Variants in SCAMP5 observed in about 807,000 individuals in gnomAD.
SCAMP5 encodes the protein secretory carrier-associated membrane protein 5.
SCAMP5 carries 7 observed loss-of-function variants against 28.3 expected under a neutral mutation model. The observed-to-expected ratio is 0.25, with a 90% CI of 0.14 to 0.46. The LOEUF (loss-of-function observed/expected upper bound fraction) is 0.46, where lower values mean the gene tolerates loss of function less well. Ranked by LOEUF, SCAMP5 falls within the 20% of genes least tolerant of loss-of-function variation. SCAMP5 has a pLI of 0.99. For missense variants in SCAMP5, 192 were observed against 312.5 expected (o/e 0.61, Z 2.91); for synonymous variants, 117 against 116.4 (o/e 1.00, Z -0.03).
intron 1 of SCAMP5, among the ~76,000 whole-genome samples, chr15:75,010,722 C>A (rs1428260531): frequency 6.6e-6 from 1 of 152,080 alleles, no homozygotes; most frequent in Admixed American, 6.6e-5. Context: ...AGGAGGATGG[C>A]TTGAGCCCAG....
chr15:75,007,411 A>G (rs1414148499), intron 1 of SCAMP5, among the ~76,000 whole-genome samples: 2 of 152,106 alleles, frequency 1.3e-5, no homozygotes, highest in African/African-American at 2.4e-5. Context: ...TTTTTGAGAC[A>G]GGGTCTTGCT....
chr15:74,997,573 G>A (rs1334247247), intron 1 of SCAMP5, among the ~76,000 whole-genome samples: 3 of 152,208 alleles, frequency 2.0e-5, no homozygotes, highest in African/African-American at 7.2e-5. Context: ...TTCCCAGAAG[G>A]GGTGGGATGT....
rs898393550 is a variant in SCAMP5 at position 74,996,674 on chromosome 15, A to G, written c.-49+1001A>G. ...TGGGAGCTCAGCCATGTGACTGCCCATGGGGTGGTGGAGTCTGGAGAAATT... is the reference window on the plus strand; with the variant it reads ...TGGGAGCTCAGCCATGTGACTGCCCGTGGGGTGGTGGAGTCTGGAGAAATT... On this transcript the variant is annotated intron_variant, in intron 1 of 6. Coordinates refer to ENST00000425597, the MANE Select transcript of SCAMP5 (RefSeq NM_138967.4). The surrounding 1 kb of genome is among the most constrained non-coding windows in gnomAD (Gnocchi z 4.1). Among the ~76,000 whole-genome samples the G allele has an allele frequency of 6.6e-6, 1 of 152,206 alleles. No homozygotes were observed.
Position 75,021,468 on chromosome 15 carries a change from A to G in SCAMP5, c.*2485A>G, listed in dbSNP as rs1385277599. 4 of 152,212 alleles carry G rather than the reference A, an allele frequency of 2.6e-5. No homozygotes were observed. Among genetic ancestry groups the G allele is most frequent in the African/African-American group, 7.2e-5 (3 of 41,426 alleles). 9.4% of individuals were successfully genotyped at this position (152,212 alleles called of 1,614,324 possible). ...TCTGTCTTTGGTAACTGAGTGAACC[A>G]TAATAAAGGGGAACATTTGGCCCTG... On this transcript the variant is annotated 3_prime_UTR_variant, in exon 7 of 7. Coordinates refer to ENST00000425597, the MANE Select transcript of SCAMP5 (RefSeq NM_138967.4).
At chr15:75,013,378 C>T (rs1053511618) in intron 3 of SCAMP5, among the ~76,000 whole-genome samples, 1 of 152,150 alleles carries the variant, frequency 6.6e-6, no homozygotes, top group Non-Finnish European at 1.5e-5. Context: ...TGGTTCCATG[C>T]AGCTCTGTGT....
At position 75,018,683 on chromosome 15, in the gene SCAMP5, A is replaced by G; in HGVS notation, c.514-106A>G. ...GCAGGACTCTCCTACAGAGGCATTC[A>G]TGGGGAGGGAGCACTGTTTTTTTTT... On this transcript the variant is annotated intron_variant, in intron 6 of 6. Coordinates refer to ENST00000425597, the MANE Select transcript of SCAMP5 (RefSeq NM_138967.4). The surrounding 1 kb of genome is among the most constrained non-coding windows in gnomAD (Gnocchi z 5.6). 1 of 1,038,222 alleles carries G rather than the reference A, an allele frequency of 9.6e-7. No individual in the cohort carries two copies. Among genetic ancestry groups the G allele is most frequent in the Non-Finnish European group, 1.5e-6 (1 of 671,170 alleles). The allele number at this position is 1,038,222 out of a possible 1,614,324, so 64.3% of individuals were successfully genotyped here. A position where few individuals can be genotyped will look rare whatever the true frequency, so the allele number is the denominator to read the frequency against.
chr15:75,015,840 C>T (rs1248055646), intron 3 of SCAMP5, among the ~76,000 whole-genome samples: 5 of 149,038 alleles, frequency 3.4e-5, no homozygotes, highest in Admixed American at 2.0e-4. Context: ...GCAGGAGAAT[C>T]GCTTGAACCT....
chr15:75,018,459 G>C lies in SCAMP5; in HGVS notation c.437G>C (p.Gly146Ala). The change falls in exon 6 of 7, where the codon GGC becomes GCC. Residue 146 changes from glycine (G) to alanine (A), a missense_variant. Physicochemically the swap from Gly to Ala is moderately conservative, Grantham distance 60 (BLOSUM62 0). Transcript: ENST00000425597. This position sits in a 1 kb window ranked among gnomAD's most constrained non-coding sequence, Gnocchi z 5.6. ...ATISFFGTNI[G>A]SAVVMLIPTV... ...ATCTCCTTCTTCGGAACGAACATTGGCTCGGCGGTGGTGATGCTAATTCCC... is the reference window on the plus strand; with the variant it reads ...ATCTCCTTCTTCGGAACGAACATTGCCTCGGCGGTGGTGATGCTAATTCCC... 1.2e-6 allele frequency: 2 copies of C among 1,613,832 alleles called. No individual in the cohort carries two copies. The highest frequency in any genetic ancestry group is 1.7e-6 in the Non-Finnish European group (2 of 1,179,764).
At chr15:75,017,550 C>T in intron 4 of SCAMP5, 1 of 540,296 alleles carries the variant, frequency 1.9e-6, no homozygotes, top group East Asian at 3.0e-5. Flanking sequence ...TGTCATTGTC[C>T]ATCCCCTTGA....
In SCAMP5 at chr15:75,019,207, C is replaced by T. The variant is rs1204003229; in HGVS notation, c.*224C>T. 2 of 352,636 alleles carry T rather than the reference C, an allele frequency of 5.7e-6. No individual in the cohort carries two copies. Among genetic ancestry groups the T allele is most frequent in the Non-Finnish European group, 9.9e-6 (2 of 201,102 alleles). 21.8% of individuals were successfully genotyped at this position (352,636 alleles called of 1,614,324 possible). Reference sequence around the variant, plus strand: ...ACTCAGCTGTGGGCTGCACGTGGAGCTGTCCCGTGCGGTAGTAGCTGTGTC... The same window carrying T: ...ACTCAGCTGTGGGCTGCACGTGGAGTTGTCCCGTGCGGTAGTAGCTGTGTC... On this transcript the variant is annotated 3_prime_UTR_variant, in exon 7 of 7. Transcript: ENST00000425597.
chr15:75,017,814 G>C (rs770215282), intron 4 of SCAMP5, 56 bp from the exon 5 acceptor site: 1 of 1,141,946 alleles, frequency 8.8e-7, no homozygotes, highest in East Asian at 2.3e-5. Flanking sequence ...GGGCCTTGAA[G>C]GCAGGGAAGC....
Position 75,018,749 on chromosome 15 carries a change from T to G in SCAMP5, c.514-40T>G, listed in dbSNP as rs770898405. ...TCTATTTCCTGGATGGGCTGCCTTT[T>G]CTCTTTGATTAACCCTTCTTTACGC... On this transcript the variant is annotated intron_variant, in intron 6 of 6. Transcript: ENST00000425597. This position sits in a 1 kb window ranked among gnomAD's most constrained non-coding sequence, Gnocchi z 5.6. 6.7e-7 allele frequency: 1 copy of G among 1,497,124 alleles called. No homozygotes were observed. The highest frequency in any genetic ancestry group is 9.3e-7 in the Non-Finnish European group (1 of 1,080,000). 92.7% of individuals were successfully genotyped at this position (1,497,124 alleles called of 1,614,324 possible).
chr15:75,001,269 C>CAG (rs2065705384), intron 1 of SCAMP5, among the ~76,000 whole-genome samples: 3 of 58,186 alleles, frequency 5.2e-5, no homozygotes, highest in African/African-American at 2.1e-4. Context: ...AGCGAGACTC[C>CAG]AAAAAAAAAA....
chr15:75,014,841 A>T lies in SCAMP5; in HGVS notation c.137-1752A>T, dbSNP rs576731285. 7.4e-4 allele frequency among the ~76,000 whole-genome samples: 113 copies of T among 152,302 alleles called. 1 individual carries two copies. Among genetic ancestry groups the T allele is most frequent in the Non-Finnish European group, 9.8e-4 (67 of 68,032 alleles). ...GCAGGTTGGACTGGGGAGAGATGTG[A>T]ACCAATATAATAGGTTAGTGTCTTT... is the stretch of plus-strand genomic sequence containing the variant. On this transcript the variant is annotated intron_variant, in intron 3 of 6. Transcript: ENST00000425597.
intron 3 of SCAMP5, 34 bp from the exon 4 acceptor site, chr15:75,016,559 G>C: frequency 1.3e-6 from 2 of 1,597,608 alleles, no homozygotes; most frequent in Non-Finnish European, 1.7e-6. Flanking sequence ...CTGGGTGTCT[G>C]TCTCTATGTG....
Position 75,003,075 on chromosome 15 carries a change from C to T in SCAMP5, c.-49+7402C>T, listed in dbSNP as rs757258439. Reference sequence around the variant, plus strand: ...CCTCCTGTGTAGCTGGGATTACAGGCGCACGCCGTCACACCCGGCTTATTT... The same window carrying T: ...CCTCCTGTGTAGCTGGGATTACAGGTGCACGCCGTCACACCCGGCTTATTT... On this transcript the variant is annotated intron_variant, in intron 1 of 6. Transcript: ENST00000425597. 1.6e-4 allele frequency among the ~76,000 whole-genome samples: 25 copies of T among 152,254 alleles called. No individual in the cohort carries two copies. In the East Asian group the frequency reaches 3.5e-3, roughly 21 times the overall value.
At chr15:75,003,598 C>G (rs2065729385) in intron 1 of SCAMP5, among the ~76,000 whole-genome samples, 1 of 152,036 alleles carries the variant, frequency 6.6e-6, no homozygotes, top group East Asian at 1.9e-4. Context: ...TCGCTTGAGC[C>G]CAGGGGTTTG....
At position 75,020,930 on chromosome 15, in the gene SCAMP5, C is replaced by T. The variant is rs1407826982; in HGVS notation, c.*1947C>T. 1 of 152,222 alleles carries T rather than the reference C, an allele frequency of 6.6e-6. No homozygotes were observed. Among genetic ancestry groups the T allele is most frequent in the African/African-American group, 2.4e-5 (1 of 41,408 alleles). The allele number at this position is 152,222 out of a possible 1,614,324, so 9.4% of individuals were successfully genotyped here. ...TCTCTTGGGAGCAATGGTCACAGTCCCTGGTACCTGAAAAGGTACCTAGGT... is the reference window on the plus strand; with the variant it reads ...TCTCTTGGGAGCAATGGTCACAGTCTCTGGTACCTGAAAAGGTACCTAGGT... On this transcript the variant is annotated 3_prime_UTR_variant, in exon 7 of 7. Coordinates refer to ENST00000425597, the MANE Select transcript of SCAMP5 (RefSeq NM_138967.4).
At chr15:74,999,003 GT>G (rs1461554316) in intron 1 of SCAMP5, among the ~76,000 whole-genome samples, 4 of 151,976 alleles carry the variant, frequency 2.6e-5, no homozygotes, top group Non-Finnish European at 4.4e-5. Context: ...CTGCTTCCTT[GT>G]TTTCCTGGAG....
Sources: allele counts gnomAD v4.1 joint callset (sites outside exome capture counted in the v4.1 genomes callset), GRCh38; gene constraint gnomAD v4.1.1; non-coding constraint Gnocchi (gnomAD v3.1); transcripts MANE v1.5; gene names NCBI Gene and HGNC (gene_info 2026-07-23, HGNC 2026-07-21).